LHFPL3: variants seen among roughly 807,000 people sequenced by gnomAD.
LHFPL3 encodes the protein LHFPL tetraspan subfamily member 3 protein.
LHFPL3 carries 5 observed loss-of-function variants against 19.3 expected under a neutral mutation model. The observed-to-expected ratio is 0.26, with a 90% CI of 0.14 to 0.54. The LOEUF (loss-of-function observed/expected upper bound fraction) is 0.54, where lower values mean the gene tolerates loss of function less well. LHFPL3 is among the 20% of genes least tolerant of loss of function. LHFPL3 has a pLI of 0.94. For synonymous variants in LHFPL3, 133 were observed against 126.2 expected, an observed-to-expected ratio of 1.05 and a Z score of -0.36; for missense variants, 249 against 307.4, an observed-to-expected ratio of 0.81 and a Z score of 1.42.
intron 1 of LHFPL3, among the ~76,000 whole-genome samples, chr7:104,609,132 G>A (rs1204722040): frequency 5.3e-5 from 8 of 152,052 alleles, no homozygotes; most frequent in Admixed American, 5.2e-4. Context: ...AGGCATGGTG[G>A]TGCGCACCTG....
chr7:104,590,296 T>G (rs1487821873), intron 1 of LHFPL3, among the ~76,000 whole-genome samples: 3 of 152,134 alleles, frequency 2.0e-5, no homozygotes, highest in Non-Finnish European at 2.9e-5. Context: ...GTGTCCCAGA[T>G]ATTCTGCTAT....
At chr7:104,606,976 AG>A (rs1791114811) in intron 1 of LHFPL3, among the ~76,000 whole-genome samples, 1 of 152,296 alleles carries the variant, frequency 6.6e-6, no homozygotes, top group East Asian at 1.9e-4. Context: ...AAACAATCTT[AG>A]GTTCTACAAT....
At chr7:104,549,081 TA>T (rs1158075504) in intron 1 of LHFPL3, among the ~76,000 whole-genome samples, 3 of 152,120 alleles carry the variant, frequency 2.0e-5, no homozygotes. Context: ...TAGGAATTTA[TA>T]AAACTTGAAC....
intron 1 of LHFPL3, among the ~76,000 whole-genome samples, chr7:104,577,544 G>T (rs1347126043): frequency 1.3e-5 from 2 of 152,132 alleles, no homozygotes; most frequent in African/African-American, 4.8e-5. Flanking sequence ...ATGTATGTAT[G>T]TGTGTATGCA....
At chr7:104,622,867 C>T in intron 1 of LHFPL3, 1 of 187,604 alleles carries the variant, frequency 5.3e-6, no homozygotes, top group South Asian at 7.3e-5. Context: ...TGTGTTTAGA[C>T]TTTGGAGGAA....
chr7:104,803,955 C>T (rs958887583), intron 2 of LHFPL3: 7 of 152,144 alleles, frequency 4.6e-5, no homozygotes, highest in East Asian at 1.9e-4. Flanking sequence ...AATTCACTTA[C>T]GACACAGCTG....
At chr7:104,377,668 A>G (rs146879768) in intron 1 of LHFPL3, among the ~76,000 whole-genome samples, 209 of 152,242 alleles carry the variant, frequency 1.4e-3, no homozygotes, top group Non-Finnish European at 2.5e-3. Flanking sequence ...GTTGACTCTC[A>G]CCATTTTCTG....
intron 1 of LHFPL3, among the ~76,000 whole-genome samples, chr7:104,604,438 T>A (rs111612870): frequency 8.1e-4 from 124 of 152,308 alleles, no homozygotes; most frequent in African/African-American, 2.8e-3. Flanking sequence ...GCCTTCAAGG[T>A]CTTTCTCCCA....
intron 1 of LHFPL3, among the ~76,000 whole-genome samples, chr7:104,412,877 T>A (rs1482865627): frequency 6.6e-6 from 1 of 152,204 alleles, no homozygotes; most frequent in Non-Finnish European, 1.5e-5. Flanking sequence ...TAATGACTCT[T>A]TCACTAGTGA....
intron 1 of LHFPL3, among the ~76,000 whole-genome samples, chr7:104,706,784 G>T (rs550519974): frequency 1.7e-4 from 26 of 152,234 alleles, no homozygotes; most frequent in African/African-American, 6.0e-4. Flanking sequence ...TCAATTGTAT[G>T]GGTGATATTT....
intron 2 of LHFPL3, among the ~76,000 whole-genome samples, chr7:104,790,979 C>T (rs1183871145): frequency 2.0e-5 from 3 of 152,214 alleles, no homozygotes; most frequent in Non-Finnish European, 4.4e-5. Context: ...ATGAAAAGCA[C>T]AGATAGAGCA....
chr7:104,796,344 G>A lies in LHFPL3; in HGVS notation c.682+59433G>A, dbSNP rs995058457. On this transcript the variant is annotated intron_variant, in intron 2 of 2. Coordinates refer to ENST00000424859, the MANE Select transcript of LHFPL3 (RefSeq NM_199000.3). ...ATGTTTTTTAAGAAGCAGAGATATC[G>A]AGAACTGGCATCCTTTTTGGCATTA... Among the ~76,000 whole-genome samples, 6 of 152,294 alleles carry A rather than the reference G, an allele frequency of 3.9e-5. 1 individual carries two copies. Among genetic ancestry groups the A allele is most frequent in the South Asian group, 4.1e-4 (2 of 4,824 alleles).
At chr7:104,902,486 C>T (rs887860866) in intron 2 of LHFPL3, among the ~76,000 whole-genome samples, 1 of 151,622 alleles carries the variant, frequency 6.6e-6, no homozygotes. Context: ...GAAGGACTGA[C>T]TAATCAATAG....
chr7:104,619,732 A>T (rs988281609), intron 1 of LHFPL3, among the ~76,000 whole-genome samples: 17 of 152,296 alleles, frequency 1.1e-4, no homozygotes, highest in African/African-American at 4.1e-4. Context: ...TTTATTCCTC[A>T]AGGAGTTTAT....
intron 1 of LHFPL3, among the ~76,000 whole-genome samples, chr7:104,336,593 T>C (rs1789814840): frequency 6.6e-6 from 1 of 152,160 alleles, no homozygotes; most frequent in African/African-American, 2.4e-5. Flanking sequence ...TGACTACTAT[T>C]GGCTAGAATG....
At chr7:104,475,818 A>G (rs1172923152) in intron 1 of LHFPL3, among the ~76,000 whole-genome samples, 2 of 152,212 alleles carry the variant, frequency 1.3e-5, no homozygotes, top group Admixed American at 1.3e-4. Flanking sequence ...AGGCTTGTTT[A>G]GACACTATGA....
chr7:104,788,601 C>T (rs578176704), intron 2 of LHFPL3, among the ~76,000 whole-genome samples: 1 of 152,164 alleles, frequency 6.6e-6, no homozygotes, highest in Non-Finnish European at 1.5e-5. Flanking sequence ...CTGACTAAAG[C>T]CAGTTGGTAC....
chr7:104,455,166 C>T (rs754431901), intron 1 of LHFPL3, among the ~76,000 whole-genome samples: 2 of 152,106 alleles, frequency 1.3e-5, no homozygotes, highest in African/African-American at 2.4e-5. Flanking sequence ...CAGCCCTGTT[C>T]GCCAAAAATG....
In LHFPL3 at chr7:104,640,661, C is replaced by T. The variant is rs577569540; in HGVS notation, c.446-96014C>T. 4.6e-5 allele frequency among the ~76,000 whole-genome samples: 7 copies of T among 152,234 alleles called. No individual in the cohort carries two copies. In the South Asian group the frequency reaches 1.5e-3, roughly 32 times the overall value. ...CAATCCTTGCCAGCATCTGTTGTTT[C>T]CAGACTTTTTAATGATCGCCGTTCT... On this transcript the variant is annotated intron_variant, in intron 1 of 2. Coordinates refer to ENST00000424859, the MANE Select transcript of LHFPL3 (RefSeq NM_199000.3).
Sources: gnomAD v4.1 joint callset for allele counts (sites outside exome capture counted in the v4.1 genomes callset) on GRCh38, gnomAD v4.1.1 for gene constraint, MANE v1.5 for transcripts, NCBI Gene and HGNC (gene_info 2026-07-23, HGNC 2026-07-21) for gene names.